RTKN2: variants seen among roughly 807,000 people sequenced by gnomAD.
RTKN2 encodes rhotekin-2.
In RTKN2, 69 loss-of-function variants were observed where a neutral mutation model predicts 71.5. The observed-to-expected ratio is 0.96, with a 90% CI of 0.79 to 1.18. The LOEUF is 1.18. Among genes scored for constraint, RTKN2 ranks in the 50% most tolerant of loss-of-function variants. RTKN2 has a pLI of 0.00. For missense variants in RTKN2, 724 were observed against 719.7 expected (o/e 1.01, Z -0.07); for synonymous variants, 236 against 236.5 (o/e 1.00, Z 0.02).
At chr10:62,223,619 A>G (rs561741791) in intron 6 of RTKN2, among the ~76,000 whole-genome samples, 7 of 152,300 alleles carry the variant, frequency 4.6e-5, no homozygotes, top group South Asian at 2.1e-4. Flanking sequence ...CAAAACCACA[A>G]TGAGATATCA....
intron 9 of RTKN2, among the ~76,000 whole-genome samples, chr10:62,209,513 T>C (rs192092199): frequency 1.6e-4 from 24 of 152,216 alleles, no homozygotes; most frequent in African/African-American, 5.5e-4. Context: ...GTTTGTTACA[T>C]AGGTAAACTT....
intron 10 of RTKN2, among the ~76,000 whole-genome samples, chr10:62,203,533 C>T (rs983838011): frequency 2.6e-5 from 4 of 152,050 alleles, no homozygotes; most frequent in Admixed American, 2.0e-4. Flanking sequence ...TTAGTAGATA[C>T]GGGGTTTTAC....
chr10:62,205,043 T>A, intron 9 of RTKN2, 21 bp from the exon 10 acceptor site: 1 of 1,568,716 alleles, frequency 6.4e-7, no homozygotes, highest in Non-Finnish European at 8.6e-7. Flanking sequence ...AGAAAAAAAT[T>A]GGGGTTTTGC....
chr10:62,192,240 G>C (rs1841234747), downstream of RTKN2, among the ~76,000 whole-genome samples: 1 of 152,144 alleles, frequency 6.6e-6, no homozygotes, highest in Admixed American at 6.5e-5. Flanking sequence ...GGGGGCTACT[G>C]AGAGAATATG....
chr10:62,219,461 G>C (rs1243900799), intron 7 of RTKN2, among the ~76,000 whole-genome samples: 4 of 152,142 alleles, frequency 2.6e-5, no homozygotes, highest in Non-Finnish European at 5.9e-5. Flanking sequence ...GAACATTATT[G>C]TGACAATGGG....
rs978533925 is a variant in RTKN2, at chr10:62,223,978, A to G, written c.687-646T>C. ...GGTAGGTGTGTGTGTGTGTGTATAT[A>G]TACACATACATATGCATAATGGAAT... On this transcript the variant is annotated intron_variant, in intron 6 of 11. Coordinates refer to ENST00000373789, the MANE Select transcript of RTKN2 (RefSeq NM_145307.4). Among the ~76,000 whole-genome samples the G allele has an allele frequency of 3.3e-5, 5 of 152,144 alleles. No homozygotes were observed. The East Asian group carries it at 9.6e-4, about 29-fold the overall frequency.
intron 6 of RTKN2, among the ~76,000 whole-genome samples, chr10:62,232,365 A>G (rs1347898747): frequency 1.4e-5 from 2 of 142,664 alleles, no homozygotes; most frequent in Non-Finnish European, 1.5e-5. Flanking sequence ...TCCAGGCTGG[A>G]GTGCAGTGGC....
intron 11 of RTKN2, among the ~76,000 whole-genome samples, chr10:62,199,543 A>G (rs1841396820): frequency 6.6e-6 from 1 of 152,202 alleles, no homozygotes; most frequent in Non-Finnish European, 1.5e-5. Flanking sequence ...TCTGATCTTA[A>G]GCATTCAGAC....
chr10:62,221,224 A>C (rs1461782062), intron 7 of RTKN2, among the ~76,000 whole-genome samples: 1 of 152,032 alleles, frequency 6.6e-6, no homozygotes, highest in Non-Finnish European at 1.5e-5. Context: ...ATTGTCTGAG[A>C]AAAGCACAAA....
At chr10:62,200,362 C>CAA (rs67854159) in intron 10 of RTKN2, among the ~76,000 whole-genome samples, 53 of 79,490 alleles carry the variant, frequency 6.7e-4, no homozygotes, top group Admixed American at 1.8e-3. Context: ...GACTCCGTCT[C>CAA]AAAAAAAAAA....
intron 3 of RTKN2, among the ~76,000 whole-genome samples, chr10:62,242,882 T>C (rs552052090): frequency 1.7e-4 from 26 of 152,218 alleles, no homozygotes; most frequent in African/African-American, 5.8e-4. Flanking sequence ...CTGCCTGCTT[T>C]GGCCTCTCAG....
chr10:62,204,555 T>C (rs1589336825), intron 10 of RTKN2, among the ~76,000 whole-genome samples: 1 of 152,154 alleles, frequency 6.6e-6, no homozygotes, highest in Admixed American at 6.5e-5. Context: ...ATCAAACACA[T>C]TGCCTTCAAC....
At chr10:62,259,782 G>T (rs910705320) in intron 2 of RTKN2, among the ~76,000 whole-genome samples, 3 of 152,060 alleles carry the variant, frequency 2.0e-5, no homozygotes, top group African/African-American at 7.2e-5. Flanking sequence ...GAACTCCTGA[G>T]CTCAAGCAAT....
At chr10:62,241,434 T>A (rs938836907) in intron 3 of RTKN2, among the ~76,000 whole-genome samples, 1 of 152,220 alleles carries the variant, frequency 6.6e-6, no homozygotes, top group Non-Finnish European at 1.5e-5. Context: ...TCTAACTCCA[T>A]ATATATCTGT....
At chr10:62,231,691 A>T (rs542416911) in intron 6 of RTKN2, among the ~76,000 whole-genome samples, 120 of 151,348 alleles carry the variant, frequency 7.9e-4, no homozygotes, top group Non-Finnish European at 1.4e-3. Context: ...GAATGTTATT[A>T]AAAAAAAATG....
In RTKN2 at chr10:62,236,176, C is replaced by CT; in HGVS notation, c.575dup (p.Leu193AlafsTer3). The CT allele has an allele frequency of 1.2e-6, 2 of 1,611,788 alleles. No homozygotes were observed. The highest frequency in any genetic ancestry group is 1.7e-6 in the Non-Finnish European group (2 of 1,178,362). Reference sequence around the variant, plus strand: ...TAGATGTCTTGAGTTTCTTAGCTAGCTTTTTTGGTGTGTTGGTTATAGAAG... The same window carrying CT: ...TAGATGTCTTGAGTTTCTTAGCTAGCTTTTTTTGGTGTGTTGGTTATAGAAG... On this transcript the variant is annotated frameshift_variant, in exon 6 of 12. Transcript: ENST00000373789. LOFTEE classifies it high-confidence loss of function.
At chr10:62,209,339 AC>A (rs1841612345) in intron 9 of RTKN2, among the ~76,000 whole-genome samples, 2 of 152,002 alleles carry the variant, frequency 1.3e-5, no homozygotes, top group Admixed American at 1.3e-4. Context: ...CTATGGAAAA[AC>A]CCTGCAGGAT....
intron 2 of RTKN2, among the ~76,000 whole-genome samples, chr10:62,255,556 A>C (rs1185437046): frequency 6.6e-6 from 1 of 152,252 alleles, no homozygotes; most frequent in African/African-American, 2.4e-5. Flanking sequence ...TAAGTGTAGA[A>C]GGAATACTAG....
rs11357727 is a variant in RTKN2, at chr10:62,264,836, ATT to A, written c.61-2017_61-2016del. 5.8e-3 allele frequency among the ~76,000 whole-genome samples: 845 copies of A among 146,074 alleles called. 1 individual carries two copies. The highest frequency in any genetic ancestry group is 6.3e-3 in the African/African-American group (251 of 39,876). ...GGCTCTCTGGAGGTGGGGCTTGAGC[ATT>A]TTTTTTTTTTTTTACAGTTCCTCTG... On this transcript the variant is annotated intron_variant, in intron 1 of 11. Coordinates refer to ENST00000373789, the MANE Select transcript of RTKN2 (RefSeq NM_145307.4).
Sources: gnomAD v4.1 joint callset for allele counts (sites outside exome capture counted in the v4.1 genomes callset) on GRCh38, gnomAD v4.1.1 for gene constraint, MANE v1.5 for transcripts, NCBI Gene and HGNC (gene_info 2026-07-23, HGNC 2026-07-21) for gene names.